The following SYT13 variants were observed in gnomAD, a reference collection of about 807,000 sequenced individuals.
SYT13 encodes the protein synaptotagmin-13.
A neutral mutation model predicts 38.6 loss-of-function variants in SYT13; 21 were observed. The ratio of observed to expected loss-of-function variants is 0.54; its 90% CI spans 0.39 to 0.78. SYT13 has a LOEUF of 0.78. Ranked by LOEUF, SYT13 falls within the 30% of genes least tolerant of loss-of-function variation. The probability of loss-of-function intolerance (pLI) is 0.00; values close to 1 mark genes in which losing one functional copy is unlikely to be tolerated. For synonymous variants in SYT13, 241 were observed against 237.6 expected, an observed-to-expected ratio of 1.01 and a Z score of -0.13; for missense variants, 495 against 548.7, an observed-to-expected ratio of 0.90 and a Z score of 0.98.
At chr11:45,254,662 T>C (rs1301470997) in intron 2 of SYT13, 1 of 385,830 alleles carries the variant, frequency 2.6e-6, no homozygotes, top group Admixed American at 4.5e-5. Context: ...CTCCCTGCTT[T>C]ATGTTTTGTC....
chr11:45,251,545 A>G (rs7130439), intron 4 of SYT13, among the ~76,000 whole-genome samples: 152,290 of 152,294 alleles, frequency 1, 76,143 homozygotes, highest in Middle Eastern at 1. Context: ...TAGCACTGCC[A>G]ATCTGGTTGA....
At position 45,252,617 on chromosome 11, in the gene SYT13, A is replaced by C. The variant is rs1405415160; in HGVS notation, c.650T>G (p.Leu217Arg). 4 of 1,614,114 alleles carry C rather than the reference A, an allele frequency of 2.5e-6. No individual in the cohort carries two copies. Among genetic ancestry groups the C allele is most frequent in the Non-Finnish European group, 2.5e-6 (3 of 1,179,976 alleles). The stretch of plus-strand genomic sequence containing the variant: ...CAGGCCCTCCTCCCAGGTGGTGTGC[A>C]GCTGCCGCTTCTTTAGGGCTGTCTG... ...EAQTALKKRQ[L>R]HTTWEEGLVL... Residue 217 changes from leucine (L) to arginine (R), a missense_variant, in exon 4 of 6, where the codon CTG (leucine) becomes CGG (arginine). By Grantham distance (102) the Leu-to-Arg change is moderately radical (BLOSUM62 -2). Transcript: ENST00000020926. This position sits in a 1 kb window ranked among gnomAD's most constrained non-coding sequence, Gnocchi z 4.3.
At chr11:45,247,738 T>C (rs546027501) in intron 4 of SYT13, among the ~76,000 whole-genome samples, 1 of 152,190 alleles carries the variant, frequency 6.6e-6, no homozygotes, top group Non-Finnish European at 1.5e-5. Flanking sequence ...AGCAAGCATA[T>C]GCAATGCACC....
At chr11:45,246,904 G>A (rs1854620551) in intron 4 of SYT13, among the ~76,000 whole-genome samples, 1 of 152,184 alleles carries the variant, frequency 6.6e-6, no homozygotes. Context: ...TCAGAGAACA[G>A]TTTCAGAATC....
At chr11:45,256,515 G>T (rs1854749169) in intron 1 of SYT13, among the ~76,000 whole-genome samples, 1 of 152,094 alleles carries the variant, frequency 6.6e-6, no homozygotes, top group African/African-American at 2.4e-5. Context: ...CCTGAAGTCT[G>T]AACCAAGGAG....
intron 1 of SYT13, among the ~76,000 whole-genome samples, chr11:45,273,588 T>G (rs994670180): frequency 3.3e-5 from 5 of 152,222 alleles, no homozygotes; most frequent in African/African-American, 1.2e-4. Flanking sequence ...CTTACTACAT[T>G]CTGTGTATAA....
At position 45,244,038 on chromosome 11, in the gene SYT13, A is replaced by C. The variant is rs1488106190; in HGVS notation, c.*14T>G. Reference sequence around the variant, plus strand: ...GTCAGGGCTGTCCAAGAAGGGAGGCAGCTGGGCAGCTGGTTACAGGTGCAG... The same window carrying C: ...GTCAGGGCTGTCCAAGAAGGGAGGCCGCTGGGCAGCTGGTTACAGGTGCAG... On this transcript the variant is annotated 3_prime_UTR_variant, in exon 6 of 6. Coordinates refer to ENST00000020926, the MANE Select transcript of SYT13 (RefSeq NM_020826.3). 1.3e-6 allele frequency: 2 copies of C among 1,581,752 alleles called. No individual in the cohort carries two copies. Among genetic ancestry groups the C allele is most frequent in the African/African-American group, 2.7e-5 (2 of 74,668 alleles).
chr11:45,279,043 A>G (rs1236894169), intron 1 of SYT13, among the ~76,000 whole-genome samples: 1 of 152,228 alleles, frequency 6.6e-6, no homozygotes, highest in Non-Finnish European at 1.5e-5. Flanking sequence ...AAAGATGTGT[A>G]TTTATAGACA....
In SYT13 at chr11:45,252,827, C is replaced by T; in HGVS notation, c.545-105G>A. 1.5e-6 allele frequency: 2 copies of T among 1,306,510 alleles called. No homozygotes were observed. Among genetic ancestry groups the T allele is most frequent in the Non-Finnish European group, 1.0e-6 (1 of 978,032 alleles). 80.9% of individuals were successfully genotyped at this position (1,306,510 alleles called of 1,614,324 possible). A position where few individuals can be genotyped will look rare whatever the true frequency, so the allele number is the denominator to read the frequency against. Reference sequence around the variant, plus strand: ...TGTGGAATCCAGCTTAACGACGTGACCTTGGGTGTCAGAAAGGCTGACCAC... The same window carrying T: ...TGTGGAATCCAGCTTAACGACGTGATCTTGGGTGTCAGAAAGGCTGACCAC... On this transcript the variant is annotated intron_variant, in intron 3 of 5. Coordinates refer to ENST00000020926, the MANE Select transcript of SYT13 (RefSeq NM_020826.3). This position sits in a 1 kb window ranked among gnomAD's most constrained non-coding sequence, Gnocchi z 4.3.
At chr11:45,279,932 T>C (rs1855052252) in intron 1 of SYT13, among the ~76,000 whole-genome samples, 1 of 151,920 alleles carries the variant, frequency 6.6e-6, no homozygotes, top group Non-Finnish European at 1.5e-5. Context: ...CTGGAGAAAA[T>C]TCTACTTTAG....
chr11:45,282,153 C>A (rs536813219), intron 1 of SYT13, among the ~76,000 whole-genome samples: 1 of 152,190 alleles, frequency 6.6e-6, no homozygotes, highest in African/African-American at 2.4e-5. Flanking sequence ...CTCCCTGGCT[C>A]TTTCTCCTTG....
intron 1 of SYT13, among the ~76,000 whole-genome samples, chr11:45,275,381 C>T (rs12292826): frequency 0.08 from 12,197 of 152,156 alleles, 1,297 homozygotes; most frequent in African/African-American, 0.24. Flanking sequence ...CTCTCCTTTA[C>T]GCTTGTTTTC....
chr11:45,272,499 T>A (rs1854961538), intron 1 of SYT13, among the ~76,000 whole-genome samples: 1 of 152,232 alleles, frequency 6.6e-6, no homozygotes. Context: ...GTGCTGCTTC[T>A]AACATTCTTC....
intron 1 of SYT13, among the ~76,000 whole-genome samples, chr11:45,278,737 T>C (rs1855038465): frequency 1.3e-5 from 2 of 152,128 alleles, no homozygotes; most frequent in Non-Finnish European, 1.5e-5. Context: ...GGAAGGGAGA[T>C]GGGACAGGTC....
rs1854541488 is a variant in SYT13 at position 45,240,828 on chromosome 11, C to T, written c.*3224G>A. 2 of 152,216 alleles carry T rather than the reference C, an allele frequency of 1.3e-5. No homozygotes were observed. Among genetic ancestry groups the T allele is most frequent in the African/African-American group, 4.8e-5 (2 of 41,456 alleles). 9.4% of individuals were successfully genotyped at this position (152,216 alleles called of 1,614,324 possible). On this transcript the variant is annotated 3_prime_UTR_variant, in exon 6 of 6. Transcript: ENST00000020926. The stretch of plus-strand genomic sequence containing the variant: ...ATGGTCTCTCACCTTATTTTTACCT[C>T]TACCTCACACCCTTTTTAGAAATGC...
intron 1 of SYT13, among the ~76,000 whole-genome samples, chr11:45,260,108 G>A (rs1015707202): frequency 6.6e-6 from 1 of 152,146 alleles, no homozygotes; most frequent in African/African-American, 2.4e-5. Context: ...GCCTAGGGTA[G>A]AAAGAAACCC....
Position 45,244,059 on chromosome 11 carries a change from T to C in SYT13, c.1274A>G (p.His425Arg). 1 of 1,597,888 alleles carries C rather than the reference T, an allele frequency of 6.3e-7. No homozygotes were observed. Residue 425 changes from histidine to arginine, a missense_variant, in exon 6 of 6, where the codon CAC (histidine) becomes CGC (arginine). Transcript: ENST00000020926. ...AGGCAGCTGGGCAGCTGGTTACAGGTGCAGCTGGTGCCACATGGCAATCTG... is the reference window on the plus strand; with the variant it reads ...AGGCAGCTGGGCAGCTGGTTACAGGCGCAGCTGGTGCCACATGGCAATCTG... ...RRQIAMWHQL[H>R]L
At chr11:45,273,400 T>C (rs1218681136) in intron 1 of SYT13, among the ~76,000 whole-genome samples, 1 of 147,704 alleles carries the variant, frequency 6.8e-6, no homozygotes, top group East Asian at 2.0e-4. Flanking sequence ...CTCCACCTGA[T>C]GCCAAAAGGC....
intron 1 of SYT13, among the ~76,000 whole-genome samples, chr11:45,261,395 T>C (rs1331633702): frequency 6.6e-6 from 1 of 151,076 alleles, no homozygotes; most frequent in Non-Finnish European, 1.5e-5. Flanking sequence ...ATCGAGACCA[T>C]CCTGGCTAAC....
Sources: gnomAD v4.1 joint callset for allele counts (sites outside exome capture counted in the v4.1 genomes callset) on GRCh38, gnomAD v4.1.1 for gene constraint, Gnocchi (gnomAD v3.1) non-coding constraint, MANE v1.5 for transcripts, NCBI Gene and HGNC (gene_info 2026-07-23, HGNC 2026-07-21) for gene names.